The following NOTCH2 variants were observed in gnomAD, a reference collection of about 807,000 sequenced individuals.
NOTCH2 encodes the protein notch receptor 2.
Under a neutral mutation model 235.8 loss-of-function variants are expected in NOTCH2, and 29 were observed. The observed-to-expected ratio is 0.12, with a 90% CI of 0.09 to 0.17. The LOEUF is 0.17. NOTCH2 is among the 10% of genes least tolerant of loss of function. NOTCH2 has a pLI of 1.00. For synonymous variants in NOTCH2, 1,086 were observed against 1,141.5 expected (o/e 0.95, Z 0.98); for missense variants, 2,285 against 3,150.2 (o/e 0.73, Z 6.57).
At position 120,053,745 on chromosome 1, in the gene NOTCH2, T is replaced by C. The variant is rs587597039; in HGVS notation, c.73+15589A>G. ...GGTCTAGAGACAAATGTTCCCAGGC[T>C]ATATATTCCAAAGGAGGAATTACCA... is the stretch of plus-strand genomic sequence containing the variant. On this transcript the variant is annotated intron_variant, in intron 1 of 33. Transcript: ENST00000256646. Among the ~76,000 whole-genome samples, 83 of 132,652 alleles carry C rather than the reference T, an allele frequency of 6.3e-4. 2 individuals carry two copies. Among genetic ancestry groups the C allele is most frequent in the Middle Eastern group, 7.0e-3 (2 of 286 alleles). 87.0% of individuals were successfully genotyped at this position (132,652 alleles called of 152,430 possible).
At chr1:119,940,795 T>C (rs1553196369) in intron 18 of NOTCH2, 39 bp from the exon 19 acceptor site, 1 of 1,552,206 alleles carries the variant, frequency 6.4e-7, no homozygotes. Context: ...ATGTATCTGG[T>C]GCCTGTGACT....
At chr1:119,957,096 C>T (rs185013896) in intron 12 of NOTCH2, among the ~76,000 whole-genome samples, 37 of 152,334 alleles carry the variant, frequency 2.4e-4, no homozygotes, top group African/African-American at 6.5e-4. Flanking sequence ...CCCATTCATT[C>T]GTTCATTCAG....
intron 19 of NOTCH2, 97 bp from the exon 20 acceptor site, chr1:119,938,107 A>T: frequency 7.3e-7 from 1 of 1,375,956 alleles, no homozygotes; most frequent in Non-Finnish European, 1.0e-6. Context: ...AGAAAAGCAA[A>T]CTGATTAAAA....
At chr1:120,033,503 G>A (rs1361294352) in intron 1 of NOTCH2, among the ~76,000 whole-genome samples, 14 of 141,990 alleles carry the variant, frequency 9.9e-5, no homozygotes, top group Admixed American at 9.3e-4. Context: ...TCTGTCATTT[G>A]AGACAACATG....
Position 119,950,754 on chromosome 1 carries a change from A to G in NOTCH2, c.2449T>C (p.Tyr817His). 6.2e-7 allele frequency: 1 copy of G among 1,612,870 alleles called. No individual in the cohort carries two copies. The highest frequency in any genetic ancestry group is 1.3e-5 in the African/African-American group (1 of 75,040). ...QGTCFDDISG[Y>H]TCHCVLPYTG... ...TATGGCAGCACACAGTGGCAAGTGT[A>G]GCCACTTATGTCATCAAAGCAGGTT... The change falls in exon 15 of 34, where the codon TAC becomes CAC. Residue 817 changes from tyrosine (Y) to histidine (H), a missense_variant. Around this residue, in one of 6 missense-constraint regions of NOTCH2, gnomAD observed 1,173 missense variants for 1,515.3 expected, o/e 0.77. Coordinates refer to ENST00000256646, the MANE Select transcript of NOTCH2 (RefSeq NM_024408.4).
chr1:119,977,759 A>G (rs1651646637), intron 5 of NOTCH2, among the ~76,000 whole-genome samples: 1 of 152,254 alleles, frequency 6.6e-6, no homozygotes, highest in South Asian at 2.1e-4. Context: ...ATACTAAAGT[A>G]TCTTAGAAAG....
rs1341603661 is a variant in NOTCH2, at chr1:119,920,393, T to C, written c.5315A>G (p.Glu1772Gly). The change falls in exon 30 of 34, where the codon GAA becomes GGA. Residue 1772 changes from glutamate (E) to glycine (G), a missense_variant. Coordinates refer to ENST00000256646, the MANE Select transcript of NOTCH2 (RefSeq NM_024408.4). Reference protein sequence around the residue: ...EGPQPKKVKAEDEALLSEEDD... With the variant: ...EGPQPKKVKAGDEALLSEEDD... The stretch of plus-strand genomic sequence containing the variant: ...TTCTTCTGAGAGTAAGGCCTCATCT[T>C]CAGCCTGAAAGGTGAAAACAATGCT... 1 of 1,614,060 alleles carries C rather than the reference T, an allele frequency of 6.2e-7. No homozygotes were observed. The highest frequency in any genetic ancestry group is 1.3e-5 in the African/African-American group (1 of 74,922).
rs943179763 is a variant in NOTCH2, at chr1:119,912,736, C to G, written c.*2570G>C. On this transcript the variant is annotated 3_prime_UTR_variant, in exon 34 of 34. Transcript: ENST00000256646. ...AAAACTGAGTCTCCAATTCAGAACC[C>G]AAATGAGAAAGTGATTATCCATCTT... 4.3e-6 allele frequency: 1 copy of G among 233,482 alleles called. No homozygotes were observed. The highest frequency in any genetic ancestry group is 1.3e-3 in the Middle Eastern group (1 of 786). 14.5% of individuals were successfully genotyped at this position (233,482 alleles called of 1,614,324 possible).
In NOTCH2 at chr1:119,965,444, G is replaced by C. The variant is rs192886452; in HGVS notation, c.1681+9C>G. On this transcript the variant is annotated intron_variant, in intron 10 of 33. Coordinates refer to ENST00000256646, the MANE Select transcript of NOTCH2 (RefSeq NM_024408.4). ...CTACCAAGGAGATGAAAAGTGAGAA[G>C]AATCTTACCTGTGGCACACTGGCAT... 3 of 1,603,592 alleles carry C rather than the reference G, an allele frequency of 1.9e-6. No homozygotes were observed. Among genetic ancestry groups the C allele is most frequent in the South Asian group, 1.1e-5 (1 of 90,882 alleles).
chr1:119,973,931 T>C (rs764092733), intron 5 of NOTCH2, among the ~76,000 whole-genome samples: 1 of 152,142 alleles, frequency 6.6e-6, no homozygotes, highest in Non-Finnish European at 1.5e-5. Flanking sequence ...CATTGAGGCT[T>C]TGACTTCGAG....
chr1:119,948,812 G>A (rs1557817311), intron 16 of NOTCH2, among the ~76,000 whole-genome samples, 195 bp downstream of exon 16: 1 of 152,144 alleles, frequency 6.6e-6, no homozygotes, highest in Non-Finnish European at 1.5e-5. Flanking sequence ...GCCGCTAGGG[G>A]GCCCCGAAGA....
intron 1 of NOTCH2, among the ~76,000 whole-genome samples, chr1:120,063,007 G>C (rs587658384): frequency 2.1e-3 from 326 of 151,834 alleles, no homozygotes; most frequent in African/African-American, 7.6e-3. Flanking sequence ...AGAAAAAACA[G>C]ATCTACGGCA....
intron 5 of NOTCH2, among the ~76,000 whole-genome samples, chr1:119,982,392 A>G (rs587756036): frequency 2.0e-5 from 3 of 152,364 alleles, no homozygotes; most frequent in African/African-American, 7.2e-5. Flanking sequence ...AGTCAAAAGC[A>G]GCCACAGAGA....
intron 2 of NOTCH2, among the ~76,000 whole-genome samples, chr1:120,009,755 A>G (rs1298326362): frequency 3.3e-5 from 5 of 149,454 alleles, no homozygotes; most frequent in Admixed American, 2.0e-4. Context: ...CTTGGCTTCT[A>G]TGACTCCCTC....
In NOTCH2 at chr1:119,937,485, G is replaced by A. The variant is rs782228591; in HGVS notation, c.3338-19C>T. 1.9e-6 allele frequency: 3 copies of A among 1,609,872 alleles called. No individual in the cohort carries two copies. Among genetic ancestry groups the A allele is most frequent in the Non-Finnish European group, 2.5e-6 (3 of 1,178,254 alleles). On this transcript the variant is annotated intron_variant, in intron 20 of 33. Transcript: ENST00000256646. ...AGCACACCTGGGAAACCCAGTGAGG[G>A]AGAAATGTCATAGAAGAACATGTGA...
intron 19 of NOTCH2, among the ~76,000 whole-genome samples, chr1:119,939,407 A>G (rs1649986351): frequency 1.3e-5 from 2 of 152,254 alleles, no homozygotes; most frequent in Non-Finnish European, 2.9e-5. Context: ...CTAGAAAGAA[A>G]GAGTTAAAGC....
chr1:120,011,511 T>C (rs41463147), intron 2 of NOTCH2, among the ~76,000 whole-genome samples: 2 of 152,094 alleles, frequency 1.3e-5, no homozygotes, highest in African/African-American at 4.8e-5. Flanking sequence ...CTATGCTTAA[T>C]AGTAGTCATA....
At position 119,912,618 on chromosome 1, in the gene NOTCH2, G is replaced by A; in HGVS notation, c.*2688C>T. 2 of 233,086 alleles carry A rather than the reference G, an allele frequency of 8.6e-6. No individual in the cohort carries two copies. The highest frequency in any genetic ancestry group is 1.2e-4 in the East Asian group (2 of 16,546). The allele number at this position is 233,086 out of a possible 1,614,324, so 14.4% of individuals were successfully genotyped here. ...AACCTATCCCCAAAGGCAGGCAGAA[G>A]AGGAGTCAAAGAAAGAAAGCATTTA... On this transcript the variant is annotated 3_prime_UTR_variant, in exon 34 of 34. Coordinates refer to ENST00000256646, the MANE Select transcript of NOTCH2 (RefSeq NM_024408.4).
rs1237520927 is a variant in NOTCH2, at chr1:119,937,425, T to G, written c.3379A>C (p.Ile1127Leu). The G allele has an allele frequency of 5.0e-6, 8 of 1,613,908 alleles. No individual in the cohort carries two copies. The Admixed American group carries it at 6.7e-5, about 13-fold the overall frequency. ...EHLCQHSGVCINAGNTHYCQC... is the reference protein window; with the variant it reads ...EHLCQHSGVCLNAGNTHYCQC... ...CAGTAATGCGTGTTGCCAGCATTGA[T>G]GCAGACACCTGAGTGCTGGCACAAG... The change falls in exon 21 of 34, where the codon ATC (isoleucine) becomes CTC (leucine). Residue 1127 changes from isoleucine (I) to leucine (L), a missense_variant. Around this residue, in one of 6 missense-constraint regions of NOTCH2, gnomAD observed 1,173 missense variants for 1,515.3 expected, o/e 0.77. Transcript: ENST00000256646.
Sources: gnomAD v4.1 joint callset for allele counts (sites outside exome capture counted in the v4.1 genomes callset) on GRCh38, gnomAD v4.1.1 for gene constraint, gnomAD v4.1.1 regional missense constraint, MANE v1.5 for transcripts, NCBI Gene and HGNC (gene_info 2026-07-23, HGNC 2026-07-21) for gene names.